The following ERMP1 variants were observed in gnomAD, a reference collection of about 807,000 sequenced individuals.
ERMP1 encodes the protein endoplasmic reticulum metallopeptidase 1, also known as Felix-ina.
ERMP1 carries 86 observed loss-of-function variants against 92.0 expected under a neutral mutation model. The observed-to-expected ratio is 0.93, with a 90% CI of 0.79 to 1.12. The LOEUF (loss-of-function observed/expected upper bound fraction) is 1.12, where lower values mean the gene tolerates loss of function less well. Among genes scored for constraint, ERMP1 ranks in the 50% most tolerant of loss-of-function variants. The pLI is 0.00. For synonymous variants in ERMP1, 530 were observed against 412.8 expected (o/e 1.28, Z -3.44); for missense variants, 1,342 against 1,116.3 (o/e 1.20, Z -2.88).
intron 5 of ERMP1, among the ~76,000 whole-genome samples, chr9:5,865,607 C>T (rs1358658445): frequency 5.3e-5 from 8 of 151,566 alleles, no homozygotes; most frequent in African/African-American, 1.2e-4. Flanking sequence ...CCGAGGCAAG[C>T]GGATCACCTG....
intron 6 of ERMP1, among the ~76,000 whole-genome samples, chr9:5,838,556 A>T (rs1036513677): frequency 6.6e-6 from 1 of 152,028 alleles, no homozygotes; most frequent in Admixed American, 6.6e-5. Context: ...GAAGAAGAAG[A>T]ATTCATGGTT....
At chr9:5,789,889 G>A (rs1235387233) in intron 13 of ERMP1, among the ~76,000 whole-genome samples, 1 of 139,512 alleles carries the variant, frequency 7.2e-6, no homozygotes, top group Non-Finnish European at 1.5e-5. Context: ...TCCCCGTGTT[G>A]CCCAGGCTGG....
intron 13 of ERMP1, among the ~76,000 whole-genome samples, chr9:5,787,883 C>T (rs1357435849): frequency 6.6e-6 from 1 of 152,176 alleles, no homozygotes; most frequent in Non-Finnish European, 1.5e-5. Flanking sequence ...ACAATTTCTT[C>T]ATTGAGGGGA....
upstream of ERMP1, among the ~76,000 whole-genome samples, chr9:5,834,751 C>A (rs867801149): frequency 2.4e-4 from 6 of 24,734 alleles, no homozygotes; most frequent in African/African-American, 6.0e-4. Flanking sequence ...GTGTGTATGT[C>A]TGACAATATC....
chr9:5,812,714 A>C, intron 5 of ERMP1, 175 bp downstream of exon 5: 2 of 714,642 alleles, frequency 2.8e-6, no homozygotes, highest in South Asian at 3.4e-5. Context: ...GCCAGCATTT[A>C]AATTAGTATG....
intron 4 of ERMP1, among the ~76,000 whole-genome samples, chr9:5,816,935 G>A (rs1221583635): frequency 7.2e-6 from 1 of 139,136 alleles, no homozygotes; most frequent in Non-Finnish European, 1.5e-5. Flanking sequence ...GTCTCGCTCT[G>A]TCTCCCAGGC....
chr9:5,808,231 T>A lies in ERMP1; in HGVS notation c.1548+1780A>T, dbSNP rs570363860. 3.3e-5 allele frequency among the ~76,000 whole-genome samples: 5 copies of A among 152,352 alleles called. No individual in the cohort carries two copies. The South Asian group carries it at 1.0e-3, about 32-fold the overall frequency. Reference sequence around the variant, plus strand: ...TCTATTGTGCTTTTACCCTAAAGTGTTACGATCAGACAACTGAAATTAGTA... The same window carrying A: ...TCTATTGTGCTTTTACCCTAAAGTGATACGATCAGACAACTGAAATTAGTA... On this transcript the variant is annotated intron_variant, in intron 8 of 14. Coordinates refer to ENST00000339450, the MANE Select transcript of ERMP1 (RefSeq NM_024896.3).
At chr9:5,835,184 T>C (rs1830077320), upstream of ERMP1, among the ~76,000 whole-genome samples, 1 of 152,176 alleles carries the variant, frequency 6.6e-6, no homozygotes, top group African/African-American at 2.4e-5. Flanking sequence ...TGAAAGGCAG[T>C]TTTTCTCTAT....
intron 13 of ERMP1, among the ~76,000 whole-genome samples, chr9:5,789,007 G>A (rs1426840794): frequency 6.6e-6 from 1 of 152,098 alleles, no homozygotes; most frequent in Non-Finnish European, 1.5e-5. Flanking sequence ...AAGTAAAAAA[G>A]GTTAGCGATA....
In ERMP1 at chr9:5,798,967, A is replaced by T; in HGVS notation, c.2109T>A (p.Val703=). The T allele has an allele frequency of 9.3e-6, 15 of 1,614,004 alleles. No homozygotes were observed. Among genetic ancestry groups the T allele is most frequent in the Non-Finnish European group, 1.3e-5 (15 of 1,179,910 alleles). ...RTFHDLEGNA[V]KRDSGIWING... is the part of the protein sequence containing the mutation. ...TGATCCATATTCCAGAGTCCCGTTT[A>T]ACTGCATTTCCTTCCAAGTCATGGA... Residue 703 remains valine (V), a synonymous_variant, in exon 12 of 15, where the codon GTT becomes GTA. Transcript: ENST00000339450.
chr9:5,812,844 G>C, intron 5 of ERMP1, 45 bp downstream of exon 5: 2 of 1,610,544 alleles, frequency 1.2e-6, no homozygotes, highest in Non-Finnish European at 1.7e-6. Flanking sequence ...ATTTGCTTTT[G>C]ATAAATAAAT....
intron 2 of ERMP1, among the ~76,000 whole-genome samples, chr9:5,826,121 G>A (rs531213292): frequency 6.6e-6 from 1 of 152,290 alleles, no homozygotes; most frequent in South Asian, 2.1e-4. Flanking sequence ...AGTTGGGAGG[G>A]TAGTGGTAGG....
At chr9:5,799,096 C>A in intron 11 of ERMP1, 88 bp from the exon 12 acceptor site, 1 of 860,370 alleles carries the variant, frequency 1.2e-6, no homozygotes. Flanking sequence ...ATGACAATAC[C>A]AAGAAATGAT....
rs761610908 is a variant in ERMP1, at chr9:5,805,544, G to C, written c.1723+67C>G. 6.5e-6 allele frequency: 9 copies of C among 1,375,780 alleles called. No individual in the cohort carries two copies. In the East Asian group the frequency reaches 2.1e-4, roughly 31 times the overall value. The allele number at this position is 1,375,780 out of a possible 1,614,324, so 85.2% of individuals were successfully genotyped here. A position where few individuals can be genotyped will look rare whatever the true frequency, so the allele number is the denominator to read the frequency against. On this transcript the variant is annotated intron_variant, in intron 9 of 14. Coordinates refer to ENST00000339450, the MANE Select transcript of ERMP1 (RefSeq NM_024896.3). ...CTACCCAATAAAACCAAAAAAGAAA[G>C]AGTCCCTGAAAGCCTTAAGTATTTT... is the stretch of plus-strand genomic sequence containing the variant.
chr9:5,801,097 G>T, intron 11 of ERMP1, 79 bp downstream of exon 11: 2 of 1,446,256 alleles, frequency 1.4e-6, no homozygotes, highest in South Asian at 1.4e-5. Context: ...AGTCAGCTGC[G>T]CTTGCTATTC....
intron 6 of ERMP1, among the ~76,000 whole-genome samples, chr9:5,845,598 A>T (rs980393371): frequency 2.6e-5 from 4 of 151,770 alleles, no homozygotes; most frequent in African/African-American, 7.3e-5. Context: ...CCACCTCATC[A>T]CTCCCTTCCA....
rs111724499 is a variant in ERMP1 at position 5,821,308 on chromosome 9, C to G, written c.874+2588G>C. Among the ~76,000 whole-genome samples the G allele has an allele frequency of 1.7e-3, 264 of 152,258 alleles. 2 individuals carry two copies. The highest frequency in any genetic ancestry group is 9.5e-3 in the South Asian group (46 of 4,828). On this transcript the variant is annotated intron_variant, in intron 4 of 14. Coordinates refer to ENST00000339450, the MANE Select transcript of ERMP1 (RefSeq NM_024896.3). Reference sequence around the variant, plus strand: ...TTTAAACTGTTGTTTTACCTTTAACCTAGTCCTCCATTCCAGTCACACACA... The same window carrying G: ...TTTAAACTGTTGTTTTACCTTTAACGTAGTCCTCCATTCCAGTCACACACA...
At chr9:5,841,982 G>A (rs949588212) in intron 6 of ERMP1, among the ~76,000 whole-genome samples, 1 of 152,110 alleles carries the variant, frequency 6.6e-6, no homozygotes, top group African/African-American at 2.4e-5. Context: ...TTTTCCTCCT[G>A]GTGGGTTCAT....
At chr9:5,794,250 T>C (rs988196748) in intron 13 of ERMP1, among the ~76,000 whole-genome samples, 1 of 152,068 alleles carries the variant, frequency 6.6e-6, no homozygotes, top group East Asian at 1.9e-4. Context: ...TAAATTAAAA[T>C]GAAAATTCAA....
Sources: allele counts gnomAD v4.1 joint callset (sites outside exome capture counted in the v4.1 genomes callset), GRCh38; gene constraint gnomAD v4.1.1; transcripts MANE v1.5; gene names NCBI Gene and HGNC (gene_info 2026-07-23, HGNC 2026-07-21).